The following LSAMP variants were observed in gnomAD, a reference collection of about 807,000 sequenced individuals.
LSAMP encodes limbic system associated membrane protein, also known as limbic system-associated membrane protein.
A neutral mutation model predicts 38.6 loss-of-function variants in LSAMP; 7 were observed. The observed-to-expected ratio is 0.18, with a 90% CI of 0.10 to 0.34. The LOEUF (loss-of-function observed/expected upper bound fraction) is 0.34, where lower values mean the gene tolerates loss of function less well. Among genes scored for constraint, LSAMP ranks in the 10% least tolerant of loss-of-function variants. LSAMP has a pLI of 1.00. For synonymous variants in LSAMP, 154 were observed against 166.8 expected (o/e 0.92, Z 0.59); for missense variants, 313 against 420.0 (o/e 0.75, Z 2.23).
chr3:116,364,118 G>A (rs9682766), intron 1 of LSAMP, among the ~76,000 whole-genome samples: 5 of 47,934 alleles, frequency 1.0e-4, no homozygotes, highest in Non-Finnish European at 1.1e-4. Flanking sequence ...AAACCCCATT[G>A]TCTCAGCCCA....
intron 1 of LSAMP, among the ~76,000 whole-genome samples, chr3:116,379,401 G>A (rs59762725): frequency 0.02 from 3,100 of 152,046 alleles, 109 homozygotes; most frequent in African/African-American, 0.072. Context: ...AGTACAGTTA[G>A]TTTGAGACAT....
chr3:116,116,548 A>C (rs1437871863), intron 1 of LSAMP, among the ~76,000 whole-genome samples: 3 of 150,220 alleles, frequency 2.0e-5, no homozygotes, highest in African/African-American at 7.3e-5. Flanking sequence ...AAAAAAAAAA[A>C]AAATACAAAA....
chr3:116,445,483 A>G lies in LSAMP; in HGVS notation c.-452T>C, dbSNP rs1325227500. 2.4e-6 allele frequency: 1 copy of G among 408,296 alleles called. No homozygotes were observed. The highest frequency in any genetic ancestry group is 4.0e-5 in the Admixed American group (1 of 25,042). 25.3% of individuals were successfully genotyped at this position (408,296 alleles called of 1,614,324 possible). On this transcript the variant is annotated 5_prime_UTR_variant, in exon 1 of 7. Transcript: ENST00000490035. ...CCAGTGAGTGTACAGAAACAGCCAC[A>G]CAGCAGCAGCAGCAGCAGAAGCAGC...
At chr3:115,892,806 G>C (rs1212216289) in intron 3 of LSAMP, among the ~76,000 whole-genome samples, 1 of 149,568 alleles carries the variant, frequency 6.7e-6, no homozygotes, top group Non-Finnish European at 1.5e-5. Flanking sequence ...GTATATATGA[G>C]TATGCATATA....
At chr3:116,286,622 C>T (rs893358297) in intron 1 of LSAMP, among the ~76,000 whole-genome samples, 2 of 152,082 alleles carry the variant, frequency 1.3e-5, no homozygotes, top group African/African-American at 4.8e-5. Flanking sequence ...GTCTGTCTTT[C>T]CATCTATCTG....
chr3:115,900,677 G>C (rs1035996951), intron 3 of LSAMP, among the ~76,000 whole-genome samples: 2 of 152,138 alleles, frequency 1.3e-5, no homozygotes, highest in East Asian at 3.9e-4. Flanking sequence ...ACAACCAAAA[G>C]GAGAGAAGTT....
At chr3:116,404,378 C>G (rs892164838) in intron 1 of LSAMP, among the ~76,000 whole-genome samples, 2 of 152,010 alleles carry the variant, frequency 1.3e-5, no homozygotes, top group Admixed American at 6.6e-5. Context: ...TAAAAATATG[C>G]CAGTTAGTAC....
At chr3:116,312,858 G>C (rs1227506625) in intron 1 of LSAMP, among the ~76,000 whole-genome samples, 1 of 152,018 alleles carries the variant, frequency 6.6e-6, no homozygotes, top group Non-Finnish European at 1.5e-5. Flanking sequence ...GTGTGTTTCT[G>C]TGTGTGTGTG....
At chr3:116,359,323 G>C (rs1246827001) in intron 1 of LSAMP, among the ~76,000 whole-genome samples, 1 of 152,144 alleles carries the variant, frequency 6.6e-6, no homozygotes, top group Non-Finnish European at 1.5e-5. Context: ...GTTCAAATAA[G>C]ATCAAGATGC....
chr3:116,296,818 G>A (rs1298728947), intron 1 of LSAMP, among the ~76,000 whole-genome samples: 10 of 148,936 alleles, frequency 6.7e-5, no homozygotes, highest in Admixed American at 4.0e-4. Flanking sequence ...TAACCCTTAC[G>A]CCATGGAGGA....
intron 3 of LSAMP, among the ~76,000 whole-genome samples, chr3:115,872,921 GTTTAA>G (rs1936083761): frequency 6.6e-6 from 1 of 152,030 alleles, no homozygotes. Context: ...GCTAATACTA[GTTTAA>G]TTAAGGAAGT....
chr3:115,873,378 G>GA lies in LSAMP; in HGVS notation c.515-20762dup, dbSNP rs61243191. Among the ~76,000 whole-genome samples, 268 of 119,274 alleles carry GA rather than the reference G, an allele frequency of 2.2e-3. 1 individual carries two copies. The highest frequency in any genetic ancestry group is 3.8e-3 in the South Asian group (14 of 3,676). 78.2% of individuals were successfully genotyped at this position (119,274 alleles called of 152,430 possible). ...AGCCTGGATGACAGAGTGAGGCTCT[G>GA]AAAAAAAAAAAAAAAAGTCTATGCT... On this transcript the variant is annotated intron_variant, in intron 3 of 6. Coordinates refer to ENST00000490035, the MANE Select transcript of LSAMP (RefSeq NM_002338.5).
Position 116,394,433 on chromosome 3 carries a change from T to C in LSAMP, c.155+50444A>G, listed in dbSNP as rs577185504. 2.4e-3 allele frequency among the ~76,000 whole-genome samples: 372 copies of C among 152,318 alleles called. 1 individual carries two copies. Among genetic ancestry groups the C allele is most frequent in the Admixed American group, 4.0e-3 (61 of 15,302 alleles). On this transcript the variant is annotated intron_variant, in intron 1 of 6. Coordinates refer to ENST00000490035, the MANE Select transcript of LSAMP (RefSeq NM_002338.5). ...ATCCCTGACCGAGGCCAATGAAGAATTCTGTCAACACACCTTGAGCCAGAG... is the reference window on the plus strand; with the variant it reads ...ATCCCTGACCGAGGCCAATGAAGAACTCTGTCAACACACCTTGAGCCAGAG...
At chr3:116,300,289 C>T (rs1037664708) in intron 1 of LSAMP, among the ~76,000 whole-genome samples, 1 of 152,184 alleles carries the variant, frequency 6.6e-6, no homozygotes, top group Non-Finnish European at 1.5e-5. Context: ...TCATAACAGA[C>T]AGCAAAAAAT....
intron 3 of LSAMP, among the ~76,000 whole-genome samples, chr3:116,009,020 G>A (rs72959705): frequency 1.2e-4 from 19 of 152,210 alleles, no homozygotes; most frequent in African/African-American, 4.6e-4. Context: ...GTCCAACCTT[G>A]TAGCCAAGGA....
At chr3:116,140,451 G>A (rs936607267) in intron 1 of LSAMP, among the ~76,000 whole-genome samples, 8 of 152,018 alleles carry the variant, frequency 5.3e-5, no homozygotes, top group African/African-American at 1.9e-4. Flanking sequence ...ATTTAAACGC[G>A]ATGAGATCCC....
At chr3:116,367,495 C>CTTT (rs751600891) in intron 1 of LSAMP, among the ~76,000 whole-genome samples, 17 of 133,352 alleles carry the variant, frequency 1.3e-4, no homozygotes, top group African/African-American at 4.8e-4. Context: ...TATTTTCTTC[C>CTTT]TTTTTTTTTT....
At chr3:116,351,614 A>C (rs1318767147) in intron 1 of LSAMP, among the ~76,000 whole-genome samples, 2 of 152,070 alleles carry the variant, frequency 1.3e-5, no homozygotes, top group Non-Finnish European at 2.9e-5. Flanking sequence ...CAATAATTAT[A>C]AGAATACTCC....
chr3:116,410,850 G>A (rs183298380), intron 1 of LSAMP, among the ~76,000 whole-genome samples: 3 of 152,052 alleles, frequency 2.0e-5, no homozygotes, highest in Non-Finnish European at 4.4e-5. Flanking sequence ...GTTACATAAT[G>A]GCTTTTTCAC....
Sources: gnomAD v4.1 joint callset for allele counts (sites outside exome capture counted in the v4.1 genomes callset) on GRCh38, gnomAD v4.1.1 for gene constraint, MANE v1.5 for transcripts, NCBI Gene and HGNC (gene_info 2026-07-23, HGNC 2026-07-21) for gene names.